Variants in ZNF573 observed in about 807,000 individuals in gnomAD.
ZNF573 encodes the protein zinc finger protein 573.
In ZNF573, 41 loss-of-function variants were observed where a neutral mutation model predicts 57.4. The ratio of observed to expected loss-of-function variants is 0.71; its 90% CI spans 0.56 to 0.93. The LOEUF is 0.93. Among genes scored for constraint, ZNF573 ranks in the 40% least tolerant of loss-of-function variants. The pLI, the probability that ZNF573 is intolerant of heterozygous loss-of-function variation, is 0.00. For missense variants in ZNF573, 730 were observed against 794.8 expected (o/e 0.92, Z 0.98); for synonymous variants, 249 against 261.0 (o/e 0.95, Z 0.44).
intron 4 of ZNF573, among the ~76,000 whole-genome samples, chr19:37,751,052 ATAG>A (rs1157994871): frequency 2.7e-5 from 4 of 150,866 alleles, no homozygotes; most frequent in African/African-American, 9.7e-5. Flanking sequence ...TATACTGTCT[ATAG>A]TAGTATAGTA....
At position 37,738,488 on chromosome 19, in the gene ZNF573, G is replaced by T; in HGVS notation, c.*4C>A. 6.6e-7 allele frequency: 1 copy of T among 1,521,174 alleles called. No homozygotes were observed. The highest frequency in any genetic ancestry group is 8.8e-7 in the Non-Finnish European group (1 of 1,137,806). 94.2% of individuals were successfully genotyped at this position (1,521,174 alleles called of 1,614,324 possible). A position where few individuals can be genotyped will look rare whatever the true frequency, so the allele number is the denominator to read the frequency against. On this transcript the variant is annotated 3_prime_UTR_variant, in exon 5 of 5. Transcript: ENST00000536220. ...TGAATGGCGCGCTCGTACTCTTTAC[G>T]GTCTTACACTTTTATGCTCCTATGA... is the stretch of plus-strand genomic sequence containing the variant.
At chr19:37,767,816 G>A (rs545975908) in intron 4 of ZNF573, among the ~76,000 whole-genome samples, 1 of 152,178 alleles carries the variant, frequency 6.6e-6, no homozygotes, top group South Asian at 2.1e-4. Context: ...AAGGGGTTAA[G>A]AACACAAAGA....
At chr19:37,762,532 A>T (rs2045562156) in intron 4 of ZNF573, among the ~76,000 whole-genome samples, 1 of 152,138 alleles carries the variant, frequency 6.6e-6, no homozygotes, top group Non-Finnish European at 1.5e-5. Flanking sequence ...TAACTCTCCA[A>T]TGCTGCTTCC....
chr19:37,761,493 C>G (rs1219037993), intron 4 of ZNF573, among the ~76,000 whole-genome samples: 9 of 152,160 alleles, frequency 5.9e-5, no homozygotes, highest in East Asian at 1.9e-4. Flanking sequence ...CCCTTGTCCC[C>G]AGAGCTACTC....
chr19:37,772,639 CTT>C (rs1011436332), intron 2 of ZNF573, among the ~76,000 whole-genome samples: 15 of 138,312 alleles, frequency 1.1e-4, no homozygotes, highest in Non-Finnish European at 1.1e-4. Flanking sequence ...TTTTTTAAAT[CTT>C]TTTTTTTTTT....
At position 37,738,796 on chromosome 19, in the gene ZNF573, C is replaced by T. The variant is rs374186327; in HGVS notation, c.1694G>A (p.Arg565His). 8.7e-6 allele frequency: 14 copies of T among 1,613,856 alleles called. No individual in the cohort carries two copies. Among genetic ancestry groups the T allele is most frequent in the African/African-American group, 6.7e-5 (5 of 74,872 alleles). The change falls in exon 5 of 5, where the codon CGT becomes CAT. Residue 565 changes from arginine to histidine, a missense_variant. Physicochemically the swap from Arg to His is conservative, Grantham distance 29. Coordinates refer to ENST00000536220, the MANE Select transcript of ZNF573 (RefSeq NM_001172690.2). ...ECKECGKTFR[R>H]SSHLTAHQSI... ...CTGATGTGCAGTAAGGTGTGAACTA[C>T]GTCTAAAGGTCTTCCCACATTCCTT...
chr19:37,755,585 C>T (rs1013585025), intron 4 of ZNF573, among the ~76,000 whole-genome samples: 1 of 151,930 alleles, frequency 6.6e-6, no homozygotes, highest in African/African-American at 2.4e-5. Context: ...CCAAAATAAA[C>T]TAAAATTATA....
At chr19:37,775,657 C>T (rs2045700690) in intron 1 of ZNF573, among the ~76,000 whole-genome samples, 2 of 151,808 alleles carry the variant, frequency 1.3e-5, no homozygotes, top group African/African-American at 2.4e-5. Context: ...TGCTGTTCGC[C>T]GATGATATAA....
intron 4 of ZNF573, among the ~76,000 whole-genome samples, chr19:37,752,657 G>A (rs562980770): frequency 2.4e-4 from 37 of 152,148 alleles, no homozygotes; most frequent in African/African-American, 8.2e-4. Flanking sequence ...TTTCAGAGAT[G>A]AGGATTTTGC....
At chr19:37,760,145 T>A (rs901587227) in intron 4 of ZNF573, among the ~76,000 whole-genome samples, 2 of 152,092 alleles carry the variant, frequency 1.3e-5, no homozygotes, top group Admixed American at 6.5e-5. Flanking sequence ...GTTCAATGAG[T>A]TAAGAGGGCC....
intron 1 of ZNF573, among the ~76,000 whole-genome samples, chr19:37,775,278 A>C (rs1389829705): frequency 6.6e-6 from 1 of 152,144 alleles, no homozygotes; most frequent in Non-Finnish European, 1.5e-5. Context: ...TAGGCCTCCC[A>C]AAGTGTTGGG....
chr19:37,742,988 C>T (rs1316380323), intron 4 of ZNF573, among the ~76,000 whole-genome samples: 3 of 152,134 alleles, frequency 2.0e-5, no homozygotes, highest in African/African-American at 7.2e-5. Flanking sequence ...CCAAACAACA[C>T]ATCAAAAAGT....
chr19:37,773,784 A>G (rs2045681018), intron 1 of ZNF573, 33 bp from the exon 2 acceptor site: 6 of 1,281,354 alleles, frequency 4.7e-6, no homozygotes, highest in East Asian at 2.5e-5. Flanking sequence ...AGTGTTCCCA[A>G]TATGACTTAA....
At position 37,739,486 on chromosome 19, in the gene ZNF573, C is replaced by T; in HGVS notation, c.1004G>A (p.Cys335Tyr). 1 of 1,613,796 alleles carries T rather than the reference C, an allele frequency of 6.2e-7. No homozygotes were observed. The highest frequency in any genetic ancestry group is 8.5e-7 in the Non-Finnish European group (1 of 1,179,918). Residue 335 changes from cysteine to tyrosine, a missense_variant, in exon 5 of 5, where the codon TGT becomes TAT. Transcript: ENST00000536220. ...TGAGGCAGTGGTATAGCCCTTCCCA[C>T]ATTCTTTACACTCATATGGCTTTTT... ...TGKKPYECKECGKGYTTASYF... is the reference protein window; with the variant it reads ...TGKKPYECKEYGKGYTTASYF...
intron 4 of ZNF573, chr19:37,740,608 A>G (rs1459228036): frequency 2.2e-6 from 1 of 456,778 alleles, no homozygotes; most frequent in Non-Finnish European, 4.4e-6. Flanking sequence ...CTTAAAATAA[A>G]ATACAAATCC....
At chr19:37,752,057 G>C (rs529601399) in intron 4 of ZNF573, among the ~76,000 whole-genome samples, 15 of 150,918 alleles carry the variant, frequency 9.9e-5, no homozygotes, top group Non-Finnish European at 2.1e-4. Flanking sequence ...ACAGTATATA[G>C]ACAGAAAGAC....
chr19:37,743,205 A>G (rs1339075484), intron 4 of ZNF573, among the ~76,000 whole-genome samples: 4 of 151,828 alleles, frequency 2.6e-5, no homozygotes, highest in African/African-American at 9.7e-5. Context: ...CTGTAATCCC[A>G]GCTACTCGGG....
At chr19:37,770,873 T>TATATATATAG in intron 3 of ZNF573, among the ~76,000 whole-genome samples, 1 of 129,776 alleles carries the variant, frequency 7.7e-6, no homozygotes, top group African/African-American at 3.0e-5. Flanking sequence ...TATATATATA[T>TATATATATAG]TCCCCCTCCC....
At chr19:37,743,505 C>A (rs1447003350) in intron 4 of ZNF573, among the ~76,000 whole-genome samples, 1 of 151,980 alleles carries the variant, frequency 6.6e-6, no homozygotes, top group Non-Finnish European at 1.5e-5. Flanking sequence ...GCTGGTGAGG[C>A]TGTGGAGAAA....
Sources: allele counts gnomAD v4.1 joint callset (sites outside exome capture counted in the v4.1 genomes callset), GRCh38; gene constraint gnomAD v4.1.1; transcripts MANE v1.5; gene names NCBI Gene and HGNC (gene_info 2026-07-23, HGNC 2026-07-21).